The following PCDHGB2 variants were observed in gnomAD, a reference collection of about 807,000 sequenced individuals.
PCDHGB2 encodes the protein protocadherin gamma subfamily B, 2, also known as protocadherin gamma-B2.
Under a neutral mutation model 59.3 loss-of-function variants are expected in PCDHGB2, and 55 were observed. That is an observed-to-expected ratio of 0.93 (90% confidence interval 0.75 to 1.16). PCDHGB2 has a LOEUF of 1.16. Among genes scored for constraint, PCDHGB2 ranks in the 50% most tolerant of loss-of-function variants. The pLI is 0.00. For synonymous variants in PCDHGB2, 516 were observed against 512.0 expected, an observed-to-expected ratio of 1.01 and a Z score of -0.11; for missense variants, 1,228 against 1,198.5, an observed-to-expected ratio of 1.02 and a Z score of -0.36.
At chr5:141,496,236 C>T (rs1290509264) in intron 2 of PCDHGB2, among the ~76,000 whole-genome samples, 7 of 152,138 alleles carry the variant, frequency 4.6e-5, no homozygotes, top group Middle Eastern at 3.2e-3. Flanking sequence ...GAACCCCCTG[C>T]GGGCTGAAGG....
chr5:141,478,977 T>G (rs1004184325), intron 1 of PCDHGB2, among the ~76,000 whole-genome samples: 12 of 152,210 alleles, frequency 7.9e-5, no homozygotes, highest in Admixed American at 5.2e-4. Flanking sequence ...TTCAAGTGAT[T>G]GTGACATTTG....
intron 1 of PCDHGB2, chr5:141,478,541 G>T (rs905837179): frequency 1.2e-6 from 2 of 1,605,590 alleles, no homozygotes; most frequent in Non-Finnish European, 1.7e-6. Flanking sequence ...CGCCCCTCCC[G>T]GACAGGTAAG....
At chr5:141,384,550 T>C (rs1262991038) in intron 1 of PCDHGB2, 1 of 1,614,220 alleles carries the variant, frequency 6.2e-7, no homozygotes, top group Non-Finnish European at 8.5e-7. Context: ...ACTGAGCCTG[T>C]TCGTGCTGGA....
chr5:141,461,813 C>T (rs2099023751), intron 1 of PCDHGB2, among the ~76,000 whole-genome samples: 1 of 151,846 alleles, frequency 6.6e-6, no homozygotes, highest in African/African-American at 2.4e-5. Flanking sequence ...ACCACCACAC[C>T]CAGCTAATTT....
intron 1 of PCDHGB2, chr5:141,410,157 C>T: frequency 6.2e-7 from 1 of 1,613,546 alleles, no homozygotes; most frequent in Non-Finnish European, 8.5e-7. Context: ...GGTGGACAGC[C>T]GCCACTCTCT....
Position 141,486,416 on chromosome 5 carries a change from C to G in PCDHGB2, c.2422-8391C>G. The G allele has an allele frequency of 4.3e-6, 7 of 1,614,152 alleles. No homozygotes were observed. The highest frequency in any genetic ancestry group is 5.9e-6 in the Non-Finnish European group (7 of 1,180,016). On this transcript the variant is annotated intron_variant, in intron 1 of 3. Coordinates refer to ENST00000522605, the MANE Select transcript of PCDHGB2 (RefSeq NM_018923.3). The surrounding 1 kb of genome is among the most constrained non-coding windows in gnomAD (Gnocchi z 5.0). Reference sequence around the variant, plus strand: ...CCTGGTGACTGCTGGACCCTTGGATCGAGAGGCCAAATCTAGCTATGACAT... The same window carrying G: ...CCTGGTGACTGCTGGACCCTTGGATGGAGAGGCCAAATCTAGCTATGACAT...
chr5:141,419,248 AAAC>A (rs1229992972), intron 1 of PCDHGB2: 1 of 1,613,980 alleles, frequency 6.2e-7, no homozygotes, highest in Admixed American at 1.7e-5. Context: ...ACGTGCCAGA[AAAC>A]AACCAGCCGG....
chr5:141,459,756 G>A (rs1455980132), intron 1 of PCDHGB2, among the ~76,000 whole-genome samples: 1 of 152,118 alleles, frequency 6.6e-6, no homozygotes, highest in Non-Finnish European at 1.5e-5. Flanking sequence ...AATTCTAGTG[G>A]GTGTGTGATA....
chr5:141,412,902 T>G, intron 1 of PCDHGB2: 1 of 371,284 alleles, frequency 2.7e-6, no homozygotes, highest in East Asian at 4.2e-5. Flanking sequence ...TACTTTCCAT[T>G]GCATGTATCA....
At chr5:141,410,458 T>A in intron 1 of PCDHGB2, 1 of 1,614,040 alleles carries the variant, frequency 6.2e-7, no homozygotes, top group African/African-American at 1.3e-5. Flanking sequence ...CTTATTCTTA[T>A]AATCTGTGCA....
At chr5:141,365,090 A>T (rs774588043) in intron 1 of PCDHGB2, 1 of 1,613,830 alleles carries the variant, frequency 6.2e-7, no homozygotes, top group Non-Finnish European at 8.5e-7. Context: ...TGTTCCAGAG[A>T]ACATACCTGT....
In PCDHGB2 at chr5:141,477,602, C is replaced by G. The variant is rs772296229; in HGVS notation, c.2422-17205C>G. ...GCAGAATGCTCGGCTTTCTTTCTTT[C>G]TCTTGGAGCAAGGAGCTGAAACCGG... On this transcript the variant is annotated intron_variant, in intron 1 of 3. Coordinates refer to ENST00000522605, the MANE Select transcript of PCDHGB2 (RefSeq NM_018923.3). This position sits in a 1 kb window ranked among gnomAD's most constrained non-coding sequence, Gnocchi z 4.9. 6.2e-7 allele frequency: 1 copy of G among 1,614,098 alleles called. No homozygotes were observed. Among genetic ancestry groups the G allele is most frequent in the East Asian group, 2.2e-5 (1 of 44,898 alleles).
In PCDHGB2 at chr5:141,376,300, C is replaced by G. The variant is rs202008607; in HGVS notation, c.2421+13744C>G. 1.3e-4 allele frequency: 204 copies of G among 1,614,218 alleles called. 1 individual carries two copies. The Middle Eastern group carries it at 1.7e-3, about 13-fold the overall frequency. On this transcript the variant is annotated intron_variant, in intron 1 of 3. Coordinates refer to ENST00000522605, the MANE Select transcript of PCDHGB2 (RefSeq NM_018923.3). ...GCTTAGCGAGCATGCCCGGCTCGCA[C>G]TTTGTGGGCGTGGAAGGGGTTCGGG...
intron 1 of PCDHGB2, chr5:141,394,857 G>A: frequency 6.2e-7 from 1 of 1,613,832 alleles, no homozygotes; most frequent in Non-Finnish European, 8.5e-7. Context: ...GAAGCCTTCG[G>A]TCGACCCGAA....
chr5:141,428,173 C>G, intron 1 of PCDHGB2: 1 of 1,514,730 alleles, frequency 6.6e-7, no homozygotes. Context: ...CTGTGCGTGA[C>G]GGAGGACAGC....
At chr5:141,457,677 T>C (rs1386991642) in intron 1 of PCDHGB2, among the ~76,000 whole-genome samples, 1 of 152,262 alleles carries the variant, frequency 6.6e-6, no homozygotes, top group Non-Finnish European at 1.5e-5. Flanking sequence ...TATTTCTACA[T>C]AGGACTTTTG....
intron 1 of PCDHGB2, chr5:141,409,386 A>C (rs369240403): frequency 1.2e-6 from 2 of 1,613,914 alleles, no homozygotes; most frequent in African/African-American, 2.7e-5. Flanking sequence ...TTCAAGATTT[A>C]TTCTTCTTCC....
In PCDHGB2 at chr5:141,485,935, C is replaced by T. The variant is rs2099621642; in HGVS notation, c.2422-8872C>T. The T allele has an allele frequency of 6.2e-7, 1 of 1,614,026 alleles. No homozygotes were observed. Among genetic ancestry groups the T allele is most frequent in the Non-Finnish European group, 8.5e-7 (1 of 1,180,038 alleles). On this transcript the variant is annotated intron_variant, in intron 1 of 3. Coordinates refer to ENST00000522605, the MANE Select transcript of PCDHGB2 (RefSeq NM_018923.3). The surrounding 1 kb of genome is among the most constrained non-coding windows in gnomAD (Gnocchi z 5.7). Reference sequence around the variant, plus strand: ...GCTACAGGATTAGTGTGTTGGAGAGCGCACCAGCGGGCATGGTGCTCATCC... The same window carrying T: ...GCTACAGGATTAGTGTGTTGGAGAGTGCACCAGCGGGCATGGTGCTCATCC...
Position 141,432,809 on chromosome 5 carries a change from T to A in PCDHGB2, c.2422-61998T>A. ...CGGCAGCCTCGAGTCTCCAGCTAAC[T>A]CTGAAACCTCAGACCTCACTCTGTA... is the stretch of plus-strand genomic sequence containing the variant. On this transcript the variant is annotated intron_variant, in intron 1 of 3. Coordinates refer to ENST00000522605, the MANE Select transcript of PCDHGB2 (RefSeq NM_018923.3). This position sits in a 1 kb window ranked among gnomAD's most constrained non-coding sequence, Gnocchi z 6.0. The A allele has an allele frequency of 6.2e-7, 1 of 1,613,398 alleles. No homozygotes were observed. Among genetic ancestry groups the A allele is most frequent in the Non-Finnish European group, 8.5e-7 (1 of 1,179,980 alleles).
Sources: gnomAD v4.1 joint callset for allele counts (sites outside exome capture counted in the v4.1 genomes callset) on GRCh38, gnomAD v4.1.1 for gene constraint, Gnocchi (gnomAD v3.1) non-coding constraint, MANE v1.5 for transcripts, NCBI Gene and HGNC (gene_info 2026-07-23, HGNC 2026-07-21) for gene names.